The following EDA variants were observed in gnomAD, a reference collection of about 807,000 sequenced individuals.
EDA encodes ectodysplasin A.
EDA carries 2 observed loss-of-function variants against 23.6 expected under a neutral mutation model. The ratio of observed to expected loss-of-function variants is 0.08; its 90% CI spans 0.03 to 0.27. The LOEUF (loss-of-function observed/expected upper bound fraction) is 0.27, where lower values mean the gene tolerates loss of function less well. Ranked by LOEUF, EDA falls within the 10% of genes least tolerant of loss-of-function variation. The pLI is 1.00. For synonymous variants in EDA, 131 were observed against 132.0 expected (o/e 0.99, Z 0.05); for missense variants, 229 against 324.2 (o/e 0.71, Z 2.26).
chrX:69,759,813 A>G (rs1021805327), intron 1 of EDA, among the ~76,000 whole-genome samples: 1 of 110,008 alleles, frequency 9.1e-6, no homozygotes, highest in Non-Finnish European at 1.9e-5. Flanking sequence ...GGACTGGGGA[A>G]TAAGGATAAG....
At chrX:69,805,477 A>G (rs2015792714) in intron 1 of EDA, among the ~76,000 whole-genome samples, 1 of 111,764 alleles carries the variant, frequency 8.9e-6, no homozygotes, top group Non-Finnish European at 1.9e-5. Context: ...TTTATTTTTC[A>G]AAAGGCCTCT....
At chrX:69,869,738 G>C (rs980040966) in intron 1 of EDA, among the ~76,000 whole-genome samples, 17 of 111,997 alleles carry the variant, frequency 1.5e-4, no homozygotes, top group African/African-American at 4.9e-4. Flanking sequence ...TCTGATTGTT[G>C]CTTTGCCTCT....
chrX:69,666,288 T>C (rs767055385), intron 1 of EDA, among the ~76,000 whole-genome samples: 11 of 112,451 alleles, frequency 9.8e-5, no homozygotes, highest in Non-Finnish European at 2.1e-4. Flanking sequence ...ATCTTTTGTT[T>C]CTTTTTCTTG....
intron 1 of EDA, among the ~76,000 whole-genome samples, chrX:69,777,531 A>T (rs1215314113): frequency 1.8e-5 from 2 of 111,242 alleles, no homozygotes; most frequent in African/African-American, 6.5e-5. Flanking sequence ...CCTCTAGGTA[A>T]GTAGTGACTC....
At chrX:69,629,884 G>T (rs770433398) in intron 1 of EDA, among the ~76,000 whole-genome samples, 6 of 111,320 alleles carry the variant, frequency 5.4e-5, no homozygotes, top group African/African-American at 1.3e-4. Context: ...CAACTTCTTG[G>T]CTTTCAGATT....
At chrX:69,851,555 T>C (rs1297170229) in intron 1 of EDA, among the ~76,000 whole-genome samples, 1 of 112,406 alleles carries the variant, frequency 8.9e-6, no homozygotes, top group Non-Finnish European at 1.9e-5. Flanking sequence ...CACTGTGCCT[T>C]GTGCACATTG....
rs556477741 is a variant in EDA, at chrX:69,869,601, C to G, written c.397-87426C>G. 7.8e-4 allele frequency among the ~76,000 whole-genome samples: 87 copies of G among 111,616 alleles called. 1 individual carries two copies. The South Asian group carries it at 0.02, about 26-fold the overall frequency. On this transcript the variant is annotated intron_variant, in intron 1 of 7. Coordinates refer to ENST00000374552, the MANE Select transcript of EDA (RefSeq NM_001399.5). The stretch of plus-strand genomic sequence containing the variant: ...GCTGTGATTCAAATTAGTTTTTTGT[C>G]CATTTGACCTAGAAGTTTTCTGTTT...
intron 1 of EDA, among the ~76,000 whole-genome samples, chrX:69,639,465 A>T (rs974687099): frequency 8.9e-6 from 1 of 112,089 alleles, no homozygotes; most frequent in East Asian, 2.8e-4. Flanking sequence ...ATCCTATTGT[A>T]TGTAAAGTGG....
At chrX:69,750,517 T>C (rs1418175613) in intron 1 of EDA, among the ~76,000 whole-genome samples, 2 of 111,030 alleles carry the variant, frequency 1.8e-5, no homozygotes, top group African/African-American at 6.6e-5. Context: ...GCATGATTTA[T>C]AATCCTTTGG....
intron 1 of EDA, among the ~76,000 whole-genome samples, chrX:69,691,047 C>A (rs1256020495): frequency 9.0e-6 from 1 of 111,200 alleles, no homozygotes; most frequent in East Asian, 2.8e-4. Context: ...AAAGGTTTGT[C>A]AATTTTGTGG....
intron 1 of EDA, among the ~76,000 whole-genome samples, chrX:69,852,021 A>T (rs920327953): frequency 2.7e-5 from 3 of 112,331 alleles, no homozygotes; most frequent in South Asian, 7.4e-4. Context: ...GGCATGTTAT[A>T]TCCTACAGAA....
At chrX:69,910,243 C>A (rs916299633) in intron 1 of EDA, among the ~76,000 whole-genome samples, 1 of 109,316 alleles carries the variant, frequency 9.1e-6, no homozygotes, top group African/African-American at 3.3e-5. Flanking sequence ...AATCCTTCTG[C>A]CTCAGCCTCC....
chrX:69,887,108 T>C (rs977934698), intron 1 of EDA, among the ~76,000 whole-genome samples: 6 of 111,216 alleles, frequency 5.4e-5, no homozygotes, highest in African/African-American at 2.0e-4. Flanking sequence ...GACAACTAAA[T>C]AAAATTAATA....
intron 1 of EDA, among the ~76,000 whole-genome samples, chrX:69,798,782 A>G (rs2015604802): frequency 9.0e-6 from 1 of 111,388 alleles, no homozygotes. Context: ...TAAAGACCAG[A>G]GCACACCTAC....
intron 1 of EDA, among the ~76,000 whole-genome samples, chrX:69,630,736 C>T (rs767946930): frequency 5.4e-5 from 6 of 112,127 alleles, no homozygotes; most frequent in Admixed American, 9.4e-5. Context: ...TATAGTTGCC[C>T]TGTCTGTTGA....
chrX:69,877,351 G>C (rs1289175577), intron 1 of EDA, among the ~76,000 whole-genome samples: 1 of 111,559 alleles, frequency 9.0e-6, no homozygotes, highest in East Asian at 2.8e-4. Context: ...ATATATGAGA[G>C]TTCCTGTTAC....
intron 1 of EDA, among the ~76,000 whole-genome samples, chrX:69,898,796 T>C (rs2018057592): frequency 8.9e-6 from 1 of 112,024 alleles, no homozygotes; most frequent in South Asian, 3.7e-4. Context: ...TTTGAACAAA[T>C]TTCCTTCACA....
chrX:69,738,299 C>T (rs934242166), intron 1 of EDA, among the ~76,000 whole-genome samples: 4 of 109,362 alleles, frequency 3.7e-5, no homozygotes, highest in African/African-American at 1.3e-4. Context: ...TTCTTAATCC[C>T]ATCTAGTATT....
chrX:69,877,219 G>A (rs1232111535), intron 1 of EDA, among the ~76,000 whole-genome samples: 3 of 111,814 alleles, frequency 2.7e-5, no homozygotes, highest in Non-Finnish European at 5.6e-5. Context: ...GCTGAGGCAG[G>A]ACAACTTGAG....
Sources: gnomAD v4.1 joint callset for allele counts (sites outside exome capture counted in the v4.1 genomes callset) on GRCh38, gnomAD v4.1.1 for gene constraint, MANE v1.5 for transcripts, NCBI Gene and HGNC (gene_info 2026-07-23, HGNC 2026-07-21) for gene names.